The following KIF16B variants were observed in gnomAD, a reference collection of about 807,000 sequenced individuals.
KIF16B encodes kinesin-like protein KIF16B.
A neutral mutation model predicts 156.3 loss-of-function variants in KIF16B; 98 were observed. That is an observed-to-expected ratio of 0.63 (90% confidence interval 0.53 to 0.74). The LOEUF is 0.74. KIF16B is among the 30% of genes least tolerant of loss of function. KIF16B has a pLI of 0.00. For missense variants in KIF16B, 1,421 were observed against 1,606.5 expected (o/e 0.88, Z 1.97); for synonymous variants, 564 against 583.7 (o/e 0.97, Z 0.49).
chr20:16,516,158 C>A (rs2069136229), intron 3 of KIF16B, among the ~76,000 whole-genome samples: 1 of 152,168 alleles, frequency 6.6e-6, no homozygotes, highest in African/African-American at 2.4e-5. Context: ...GGTGCTCATG[C>A]AGCTGAGTGA....
At position 16,378,862 on chromosome 20, in the gene KIF16B, G is replaced by C. The variant is rs2123404319; in HGVS notation, c.3140C>G (p.Ser1047Ter). Residue 1047 changes from serine (S) to a stop codon, truncating the protein, a stop_gained, in exon 19 of 26, where the codon TCA becomes TGA. Coordinates refer to ENST00000354981, the MANE Select transcript of KIF16B (RefSeq NM_024704.5). LOFTEE classifies it high-confidence loss of function. ...AGCCTCCAGGCTAGCCTGGAGCCCT[G>C]ACTGCTCTCTGCTGCCACTGTTCAG... ...ASLNSGSREQ[S>*]GLQASLEAEQ... The C allele has an allele frequency of 6.2e-7, 1 of 1,614,042 alleles. No individual in the cohort carries two copies. The highest frequency in any genetic ancestry group is 2.2e-5 in the East Asian group (1 of 44,858).
intron 15 of KIF16B, among the ~76,000 whole-genome samples, chr20:16,415,193 A>ATT (rs2066057426): frequency 6.6e-6 from 1 of 152,164 alleles, no homozygotes; most frequent in Non-Finnish European, 1.5e-5. Flanking sequence ...TCACATGATA[A>ATT]ATTCCAAAGT....
chr20:16,421,738 A>G (rs752217722), intron 15 of KIF16B, among the ~76,000 whole-genome samples: 14 of 152,254 alleles, frequency 9.2e-5, no homozygotes, highest in Non-Finnish European at 1.9e-4. Context: ...TGCTAATGAC[A>G]TTTACATTCA....
chr20:16,409,250 C>G (rs1047757257), intron 15 of KIF16B, among the ~76,000 whole-genome samples: 1 of 151,818 alleles, frequency 6.6e-6, no homozygotes, highest in African/African-American at 2.4e-5. Context: ...CAATAATGAT[C>G]ATGATGATGA....
intron 12 of KIF16B, among the ~76,000 whole-genome samples, chr20:16,470,627 G>A (rs2067635344): frequency 6.6e-6 from 1 of 151,584 alleles, no homozygotes; most frequent in Non-Finnish European, 1.5e-5. Context: ...GGAACTACAG[G>A]CATGCACCAC....
chr20:16,563,317 T>G (rs553825637), intron 1 of KIF16B, among the ~76,000 whole-genome samples: 1 of 152,294 alleles, frequency 6.6e-6, no homozygotes, highest in South Asian at 2.1e-4. Flanking sequence ...AAGGATTTTT[T>G]CCCCTGTCTT....
intron 1 of KIF16B, among the ~76,000 whole-genome samples, chr20:16,548,073 TC>T (rs1194939625): frequency 2.0e-5 from 3 of 152,180 alleles, no homozygotes; most frequent in Non-Finnish European, 4.4e-5. Flanking sequence ...TAGTGGCTTA[TC>T]CCATAATGAG....
At chr20:16,275,849 A>G (rs1265192648) in intron 25 of KIF16B, among the ~76,000 whole-genome samples, 9 of 152,220 alleles carry the variant, frequency 5.9e-5, no homozygotes, top group Non-Finnish European at 1.3e-4. Context: ...AATTGCATCA[A>G]ACAGGGTCAC....
chr20:16,275,774 G>C (rs990617572), intron 25 of KIF16B, among the ~76,000 whole-genome samples: 3 of 152,214 alleles, frequency 2.0e-5, no homozygotes, highest in African/African-American at 7.2e-5. Flanking sequence ...GAGGGGCAAA[G>C]AGAGACCTGA....
intron 5 of KIF16B, 126 bp downstream of exon 5, chr20:16,512,700 G>T: frequency 1.7e-6 from 1 of 601,362 alleles, no homozygotes; most frequent in East Asian, 2.7e-5. Flanking sequence ...AATCACAGGA[G>T]GGGAAAAGGG....
intron 24 of KIF16B, among the ~76,000 whole-genome samples, chr20:16,323,668 C>T (rs948610472): frequency 6.6e-6 from 1 of 151,878 alleles, no homozygotes; most frequent in Admixed American, 6.6e-5. Flanking sequence ...TATTTATGAA[C>T]ATCTCTTCTG....
chr20:16,289,431 TTC>T (rs1429037804), intron 25 of KIF16B, among the ~76,000 whole-genome samples: 1 of 152,250 alleles, frequency 6.6e-6, no homozygotes, highest in African/African-American at 2.4e-5. Flanking sequence ...GTTTAATGTT[TTC>T]TCCTTCAAAG....
rs541284360 is a variant in KIF16B, at chr20:16,315,953, C to T, written c.3712-3535G>A. ...TAATGTAAAGTATAGGAAAAACATG[C>T]CCCCATTAATATAATGATATTTCCA... is the stretch of plus-strand genomic sequence containing the variant. On this transcript the variant is annotated intron_variant, in intron 24 of 25. Coordinates refer to ENST00000354981, the MANE Select transcript of KIF16B (RefSeq NM_024704.5). Among the ~76,000 whole-genome samples the T allele has an allele frequency of 3.3e-5, 5 of 152,236 alleles. No individual in the cohort carries two copies. In the South Asian group the frequency reaches 1.0e-3, roughly 32 times the overall value.
At chr20:16,362,172 C>T (rs1206657866) in intron 22 of KIF16B, among the ~76,000 whole-genome samples, 2 of 152,126 alleles carry the variant, frequency 1.3e-5, no homozygotes, top group African/African-American at 2.4e-5. Context: ...TGAAAAGTAC[C>T]ACTGATGTTC....
intron 17 of KIF16B, among the ~76,000 whole-genome samples, chr20:16,401,662 T>C (rs1220163760): frequency 1.3e-5 from 2 of 152,186 alleles, no homozygotes; most frequent in East Asian, 3.9e-4. Flanking sequence ...AGCAGAGTTC[T>C]TACTCGACTG....
chr20:16,490,629 C>T (rs920151197), intron 12 of KIF16B, among the ~76,000 whole-genome samples: 1 of 152,042 alleles, frequency 6.6e-6, no homozygotes, highest in East Asian at 1.9e-4. Flanking sequence ...AAAAACAAGG[C>T]CATATGAAGA....
intron 17 of KIF16B, among the ~76,000 whole-genome samples, chr20:16,391,160 T>C (rs1166179561): frequency 6.6e-6 from 1 of 152,154 alleles, no homozygotes; most frequent in East Asian, 1.9e-4. Flanking sequence ...GAGGAAGCTA[T>C]ACAGAGCCTC....
At chr20:16,366,846 A>C (rs905548240) in intron 22 of KIF16B, 1 of 1,091,172 alleles carries the variant, frequency 9.2e-7, no homozygotes, top group Non-Finnish European at 1.1e-6. Flanking sequence ...GAAAACAAAC[A>C]ATCAGAAATG....
In KIF16B at chr20:16,526,815, A is replaced by G. The variant is rs961213707; in HGVS notation, c.118-610T>C. Among the ~76,000 whole-genome samples the G allele has an allele frequency of 2.6e-4, 39 of 152,182 alleles. 1 individual carries two copies. The highest frequency in any genetic ancestry group is 1.0e-4 in the Non-Finnish European group (7 of 68,048). ...GTTTTAACATCTTCATATGCTCCCA[A>G]AGCCTGCTTATTGGACATATGCTGA... On this transcript the variant is annotated intron_variant, in intron 2 of 25. Transcript: ENST00000354981.
Sources: gnomAD v4.1 joint callset for allele counts (sites outside exome capture counted in the v4.1 genomes callset) on GRCh38, gnomAD v4.1.1 for gene constraint, MANE v1.5 for transcripts, NCBI Gene and HGNC (gene_info 2026-07-23, HGNC 2026-07-21) for gene names.